HERC3: variants seen among roughly 807,000 people sequenced by gnomAD.
HERC3 encodes the protein HECT and RLD domain containing E3 ubiquitin protein ligase 3, also known as probable E3 ubiquitin-protein ligase HERC3.
In HERC3, 58 loss-of-function variants were observed where a neutral mutation model predicts 129.9. The ratio of observed to expected loss-of-function variants is 0.45; its 90% CI spans 0.36 to 0.56. The LOEUF (loss-of-function observed/expected upper bound fraction) is 0.56, where lower values mean the gene tolerates loss of function less well. Ranked by LOEUF, HERC3 falls within the 20% of genes least tolerant of loss-of-function variation. The pLI is 0.00. For missense variants in HERC3, 835 were observed against 1,244.2 expected (o/e 0.67, Z 4.95); for synonymous variants, 430 against 451.0 (o/e 0.95, Z 0.59).
At chr4:88,545,207 T>C in the HERC3 span, among the ~76,000 whole-genome samples, 1 of 152,112 alleles carries the variant, frequency 6.6e-6, no homozygotes, top group Non-Finnish European at 1.5e-5. Context: ...ATTACATGCC[T>C]GCATCAAAAC....
intron 4 of HERC3, among the ~76,000 whole-genome samples, chr4:88,650,372 G>C (rs1238708673): frequency 6.6e-6 from 1 of 152,160 alleles, no homozygotes; most frequent in Non-Finnish European, 1.5e-5. Flanking sequence ...GAATCACAAA[G>C]CTGACCTGTT....
chr4:88,702,321 C>G (rs1029882564), intron 23 of HERC3, among the ~76,000 whole-genome samples: 1 of 152,188 alleles, frequency 6.6e-6, no homozygotes, highest in African/African-American at 2.4e-5. Context: ...CATGTGTTAT[C>G]TACTCTTACT....
chr4:88,699,942 A>G (rs975744939), intron 23 of HERC3, among the ~76,000 whole-genome samples: 1 of 152,154 alleles, frequency 6.6e-6, no homozygotes, highest in East Asian at 1.9e-4. Flanking sequence ...CAAGATATAG[A>G]ACAGTAAATA....
chr4:88,565,917 C>T, the HERC3 span, among the ~76,000 whole-genome samples: 1 of 151,668 alleles, frequency 6.6e-6, no homozygotes, highest in Non-Finnish European at 1.5e-5. Context: ...TAATTTCTTG[C>T]TTTTTATTTT....
At chr4:88,551,268 C>A in the HERC3 span, among the ~76,000 whole-genome samples, 3 of 151,902 alleles carry the variant, frequency 2.0e-5, no homozygotes, top group Admixed American at 1.3e-4. Flanking sequence ...GCAACAAAAG[C>A]CAAAATTGAC....
intron 3 of HERC3, among the ~76,000 whole-genome samples, chr4:88,639,190 C>T (rs1469970879): frequency 6.6e-6 from 1 of 152,162 alleles, no homozygotes; most frequent in Non-Finnish European, 1.5e-5. Context: ...AGATTCAGTG[C>T]TATTCCCATC....
rs868259795 is a variant in HERC3 at position 88,699,273 on chromosome 4, C to T, written c.2658-4825C>T. Among the ~76,000 whole-genome samples the T allele has an allele frequency of 2.4e-3, 178 of 74,768 alleles. 4 individuals are homozygous for T. Among genetic ancestry groups the T allele is most frequent in the Non-Finnish European group, 3.7e-3 (137 of 36,818 alleles). The allele number at this position is 74,768 out of a possible 152,430, so 49.1% of individuals were successfully genotyped here. A position where few individuals can be genotyped will look rare whatever the true frequency, so the allele number is the denominator to read the frequency against. ...CACCCTCTTCCCACCCACCCCCAGCCCCGCCTTCTTCTTCCCCACCCACCC... is the reference window on the plus strand; with the variant it reads ...CACCCTCTTCCCACCCACCCCCAGCTCCGCCTTCTTCTTCCCCACCCACCC... On this transcript the variant is annotated intron_variant, in intron 23 of 25. Coordinates refer to ENST00000402738, the MANE Select transcript of HERC3 (RefSeq NM_014606.3).
intron 2 of HERC3, among the ~76,000 whole-genome samples, chr4:88,604,933 C>T (rs576744703): frequency 2.6e-5 from 4 of 151,996 alleles, no homozygotes; most frequent in South Asian, 4.2e-4. Flanking sequence ...GAATTGGTAG[C>T]GAGAGATGAG....
intron 16 of HERC3, among the ~76,000 whole-genome samples, chr4:88,675,533 T>C (rs1578292760): frequency 1.3e-5 from 2 of 152,128 alleles, no homozygotes; most frequent in Admixed American, 1.3e-4. Context: ...ATTAAGTTAA[T>C]ATTAAGTTAA....
intron 23 of HERC3, among the ~76,000 whole-genome samples, chr4:88,700,090 C>CT (rs34838725): frequency 1.1e-3 from 163 of 145,164 alleles, no homozygotes; most frequent in Middle Eastern, 3.6e-3. Context: ...TTGAGCCTGG[C>CT]TTTTTTTTTT....
intron 3 of HERC3, among the ~76,000 whole-genome samples, chr4:88,646,240 C>T (rs1728677903): frequency 6.6e-6 from 1 of 152,158 alleles, no homozygotes; most frequent in Admixed American, 6.5e-5. Context: ...TCATATCATC[C>T]TTCTCAGTTA....
the HERC3 span, among the ~76,000 whole-genome samples, chr4:88,555,009 C>T: frequency 1.7e-4 from 25 of 150,306 alleles, no homozygotes; most frequent in South Asian, 3.4e-3. Flanking sequence ...ATATCGTGGC[C>T]GTGCAGTGGC....
the HERC3 span, among the ~76,000 whole-genome samples, chr4:88,534,872 A>G: frequency 2.0e-5 from 3 of 152,212 alleles, no homozygotes; most frequent in Admixed American, 2.0e-4. Flanking sequence ...GTAGCCATCA[A>G]ATAGTCCATA....
At chr4:88,575,890 C>G in the HERC3 span, among the ~76,000 whole-genome samples, 2 of 152,142 alleles carry the variant, frequency 1.3e-5, no homozygotes, top group Admixed American at 6.5e-5. Context: ...AGGCAGTATG[C>G]TAGGTGCTGC....
At chr4:88,595,164 C>G (rs1722226229) in intron 1 of HERC3, among the ~76,000 whole-genome samples, 1 of 147,974 alleles carries the variant, frequency 6.8e-6, no homozygotes, top group Non-Finnish European at 1.5e-5. Flanking sequence ...ACAGTTGTGG[C>G]AAAACAAGCT....
the HERC3 span, among the ~76,000 whole-genome samples, chr4:88,531,841 G>T: frequency 1.3e-5 from 2 of 152,170 alleles, no homozygotes; most frequent in East Asian, 3.9e-4. Context: ...CTAGATGCAA[G>T]GGGCAGTGTC....
chr4:88,576,900 C>T, the HERC3 span, among the ~76,000 whole-genome samples: 1 of 152,138 alleles, frequency 6.6e-6, no homozygotes, highest in Non-Finnish European at 1.5e-5. Flanking sequence ...TGTACTTCCT[C>T]AGTTTTTTTC....
At position 88,667,386 on chromosome 4, in the gene HERC3, A is replaced by G. The variant is rs765705093; in HGVS notation, c.1341A>G (p.Glu447=). Residue 447 remains glutamate, a synonymous_variant, in exon 13 of 26, where the codon GAA becomes GAG. Transcript: ENST00000402738. The part of the protein sequence containing the change: ...NGSFLEKKID[E]HFKTSPKIPG... The stretch of plus-strand genomic sequence containing the variant: ...GATTTTGTTTGTTTAGAATTGATGA[A>G]CATTTTAAAACGAGTCCCAAAATCC... The G allele has an allele frequency of 1.3e-6, 2 of 1,587,030 alleles. No homozygotes were observed. The highest frequency in any genetic ancestry group is 1.7e-6 in the Non-Finnish European group (2 of 1,164,062).
intron 21 of HERC3, among the ~76,000 whole-genome samples, chr4:88,684,452 A>G (rs1733170358): frequency 6.6e-6 from 1 of 152,218 alleles, no homozygotes; most frequent in Admixed American, 6.5e-5. Context: ...CTTACACCTT[A>G]TACAAAAATT....
Sources: allele counts gnomAD v4.1 joint callset (sites outside exome capture counted in the v4.1 genomes callset), GRCh38; gene constraint gnomAD v4.1.1; transcripts MANE v1.5; gene names NCBI Gene and HGNC (gene_info 2026-07-23, HGNC 2026-07-21).